The following PKD2 variants were observed in gnomAD, a reference collection of about 807,000 sequenced individuals.
PKD2 encodes polycystin 2, transient receptor potential cation channel, also known as polycystin-2.
In PKD2, 48 loss-of-function variants were observed where a neutral mutation model predicts 105.9. The observed-to-expected ratio is 0.45, with a 90% CI of 0.36 to 0.58. PKD2 has a LOEUF of 0.58. Ranked by LOEUF, PKD2 falls within the 20% of genes least tolerant of loss-of-function variation. The probability of loss-of-function intolerance (pLI) is 0.00; values close to 1 mark genes in which losing one functional copy is unlikely to be tolerated. For missense variants in PKD2, 1,078 were observed against 1,255.3 expected (o/e 0.86, Z 2.13); for synonymous variants, 464 against 481.1 (o/e 0.96, Z 0.46).
chr4:88,030,800 C>G (rs1392131336), intron 2 of PKD2, among the ~76,000 whole-genome samples: 1 of 152,200 alleles, frequency 6.6e-6, no homozygotes, highest in South Asian at 2.1e-4. Context: ...CTCTCAGTGC[C>G]GACACCTGGA....
At chr4:88,070,238 A>G (rs1294139620) in intron 13 of PKD2, among the ~76,000 whole-genome samples, 5 of 151,908 alleles carry the variant, frequency 3.3e-5, no homozygotes, top group African/African-American at 1.2e-4. Context: ...TGATGACTCA[A>G]TTTTCTCTCA....
At chr4:88,022,686 C>A (rs1190385424) in intron 2 of PKD2, among the ~76,000 whole-genome samples, 1 of 152,170 alleles carries the variant, frequency 6.6e-6, no homozygotes, top group Non-Finnish European at 1.5e-5. Flanking sequence ...GAATATCAAA[C>A]TCATTACTCT....
In PKD2 at chr4:88,008,135, G is replaced by A. The variant is rs886059696; in HGVS notation, c.402G>A (p.Val134=). 1.3e-4 allele frequency: 193 copies of A among 1,489,108 alleles called. No individual in the cohort carries two copies. The highest frequency in any genetic ancestry group is 1.6e-4 in the Non-Finnish European group (181 of 1,123,774). 92.2% of individuals were successfully genotyped at this position (1,489,108 alleles called of 1,614,324 possible). Residue 134 remains valine (V), a synonymous_variant, in exon 1 of 15, where the codon GTG becomes GTA. Transcript: ENST00000237596. Reference sequence around the variant, plus strand: ...CCGCCTCCTCGGCCGTGAGCTCCGTGGGCGCGCGGAGCCGGGGGCTTGGGG... The same window carrying A: ...CCGCCTCCTCGGCCGTGAGCTCCGTAGGCGCGCGGAGCCGGGGGCTTGGGG... The part of the protein sequence containing the change: ...RSAASSAVSS[V]GARSRGLGGY...
At chr4:88,040,221 C>T (rs1046563185) in intron 4 of PKD2, among the ~76,000 whole-genome samples, 3 of 152,158 alleles carry the variant, frequency 2.0e-5, no homozygotes, top group Non-Finnish European at 4.4e-5. Context: ...ACCCATGTTT[C>T]GCCTACTAAA....
At chr4:88,016,889 C>G (rs1274529040) in intron 1 of PKD2, among the ~76,000 whole-genome samples, 2 of 151,526 alleles carry the variant, frequency 1.3e-5, no homozygotes, top group Non-Finnish European at 2.9e-5. Flanking sequence ...TTGTTTGAGC[C>G]CGGGTGGTCA....
chr4:88,009,189 A>G (rs1348135622), intron 1 of PKD2, among the ~76,000 whole-genome samples: 1 of 152,244 alleles, frequency 6.6e-6, no homozygotes, highest in East Asian at 1.9e-4. Context: ...TGAATTTTCT[A>G]GTACCAGAGG....
chr4:88,073,932 T>C (rs1721132298), intron 13 of PKD2, among the ~76,000 whole-genome samples: 1 of 152,298 alleles, frequency 6.6e-6, no homozygotes, highest in East Asian at 1.9e-4. Context: ...TTTAAAGTAT[T>C]TGTATACATT....
intron 2 of PKD2, among the ~76,000 whole-genome samples, chr4:88,026,096 C>T (rs554855338): frequency 1.3e-5 from 2 of 152,084 alleles, no homozygotes; most frequent in African/African-American, 2.4e-5. Flanking sequence ...GATATGGAAG[C>T]GACTCTGGAA....
chr4:88,058,789 A>G (rs1012070474), intron 9 of PKD2, among the ~76,000 whole-genome samples: 2 of 152,152 alleles, frequency 1.3e-5, no homozygotes, highest in African/African-American at 4.8e-5. Flanking sequence ...ATTTGGTACA[A>G]ATGAACATTT....
At chr4:88,064,762 C>T (rs1345965532) in intron 10 of PKD2, among the ~76,000 whole-genome samples, 2 of 151,674 alleles carry the variant, frequency 1.3e-5, no homozygotes, top group African/African-American at 4.8e-5. Context: ...TGGTGACTCA[C>T]ACCTGTAGTC....
In PKD2 at chr4:88,077,262, G is replaced by A. The variant is rs1173274188; in HGVS notation, c.*1568G>A. ...GCAAATAGACCTTTCCAGGTTGAAA[G>A]TGAAACATACTGGGTTTCTGTAAGT... On this transcript the variant is annotated 3_prime_UTR_variant, in exon 15 of 15. Coordinates refer to ENST00000237596, the MANE Select transcript of PKD2 (RefSeq NM_000297.4). 6.6e-6 allele frequency: 1 copy of A among 152,628 alleles called. No individual in the cohort carries two copies. Among genetic ancestry groups the A allele is most frequent in the African/African-American group, 2.4e-5 (1 of 41,458 alleles). 9.5% of individuals were successfully genotyped at this position (152,628 alleles called of 1,614,324 possible). A position where few individuals can be genotyped will look rare whatever the true frequency, so the allele number is the denominator to read the frequency against.
intron 12 of PKD2, among the ~76,000 whole-genome samples, chr4:88,067,367 T>G (rs1720834762): frequency 6.6e-6 from 1 of 152,136 alleles, no homozygotes; most frequent in East Asian, 1.9e-4. Context: ...TTTATTTATT[T>G]TATTATTATT....
chr4:88,036,591 T>A (rs980912596), intron 3 of PKD2: 4 of 170,524 alleles, frequency 2.3e-5, no homozygotes, highest in Non-Finnish European at 4.7e-5. Flanking sequence ...CTTATTTAAT[T>A]TCTATAGTCT....
chr4:88,024,185 G>A (rs371871211), intron 2 of PKD2, among the ~76,000 whole-genome samples: 1 of 151,956 alleles, frequency 6.6e-6, no homozygotes, highest in African/African-American at 2.4e-5. Context: ...GTCTGGGTAC[G>A]GTGGCTCATG....
intron 2 of PKD2, among the ~76,000 whole-genome samples, chr4:88,026,739 A>G (rs1466703273): frequency 6.6e-6 from 1 of 152,214 alleles, no homozygotes; most frequent in Admixed American, 6.5e-5. Flanking sequence ...AGAAGGGAAA[A>G]ATGGTGTGAG....
intron 2 of PKD2, among the ~76,000 whole-genome samples, chr4:88,020,615 G>A (rs980546857): frequency 2.0e-5 from 3 of 151,912 alleles, no homozygotes; most frequent in South Asian, 2.1e-4. Flanking sequence ...AAGTCTTCAC[G>A]AGAACAGATG....
intron 1 of PKD2, among the ~76,000 whole-genome samples, chr4:88,017,773 A>G (rs1298978233): frequency 6.6e-6 from 1 of 152,236 alleles, no homozygotes; most frequent in Non-Finnish European, 1.5e-5. Flanking sequence ...AATACCACGT[A>G]TAAATATTAA....
chr4:88,017,937 T>G (rs1726615472), intron 1 of PKD2, among the ~76,000 whole-genome samples: 1 of 152,202 alleles, frequency 6.6e-6, no homozygotes, highest in Non-Finnish European at 1.5e-5. Flanking sequence ...CCAAAATAAA[T>G]TTACCCAAAG....
intron 5 of PKD2, among the ~76,000 whole-genome samples, chr4:88,045,099 C>A (rs1352366637): frequency 6.6e-6 from 1 of 152,222 alleles, no homozygotes; most frequent in Non-Finnish European, 1.5e-5. Flanking sequence ...TTGAGTATTT[C>A]TTCTGCTTCC....
Sources: allele counts gnomAD v4.1 joint callset (sites outside exome capture counted in the v4.1 genomes callset), GRCh38; gene constraint gnomAD v4.1.1; transcripts MANE v1.5; gene names NCBI Gene and HGNC (gene_info 2026-07-23, HGNC 2026-07-21).